RBM20: variants seen among roughly 807,000 people sequenced by gnomAD.
The protein encoded by RBM20 is RNA binding motif protein 20, also known as RNA-binding protein 20.
RBM20 carries 51 observed loss-of-function variants against 110.1 expected under a neutral mutation model. That is an observed-to-expected ratio of 0.46 (90% CI 0.37 to 0.59). RBM20 has a LOEUF of 0.59. Ranked by LOEUF, RBM20 falls within the 20% of genes least tolerant of loss-of-function variation. The pLI is 0.00. For synonymous variants in RBM20, 589 were observed against 618.2 expected (o/e 0.95, Z 0.70); for missense variants, 1,512 against 1,574.9 (o/e 0.96, Z 0.68).
chr10:110,775,635 C>T (rs1288672010), intron 1 of RBM20, among the ~76,000 whole-genome samples: 1 of 152,174 alleles, frequency 6.6e-6, no homozygotes, highest in Non-Finnish European at 1.5e-5. Flanking sequence ...ATCCTCTTTT[C>T]TCCCTATGAT....
At chr10:110,713,587 G>A (rs534647955) in intron 1 of RBM20, among the ~76,000 whole-genome samples, 2 of 152,218 alleles carry the variant, frequency 1.3e-5, no homozygotes, top group African/African-American at 4.8e-5. Flanking sequence ...GCATTGCTGA[G>A]GAATTTTTTA....
chr10:110,648,883 G>C (rs1322834033), intron 1 of RBM20, among the ~76,000 whole-genome samples: 2 of 152,142 alleles, frequency 1.3e-5, no homozygotes, highest in African/African-American at 4.8e-5. Context: ...TTGCCAAAGA[G>C]ATCAGTATTA....
At position 110,838,847 on chromosome 10, in the gene RBM20, A is replaced by G. The variant is rs1386558257; in HGVS notation, c.*2869A>G. On this transcript the variant is annotated 3_prime_UTR_variant, in exon 14 of 14. Coordinates refer to ENST00000369519, the MANE Select transcript of RBM20 (RefSeq NM_001134363.3). Reference sequence around the variant, plus strand: ...AGTCTATACTTGTGTGTACATACGTATTTATTTTTATTTATTTTTATACAA... The same window carrying G: ...AGTCTATACTTGTGTGTACATACGTGTTTATTTTTATTTATTTTTATACAA... The G allele has an allele frequency of 6.6e-6, 1 of 152,154 alleles. No individual in the cohort carries two copies. The highest frequency in any genetic ancestry group is 1.5e-5 in the Non-Finnish European group (1 of 68,030). 9.4% of individuals were successfully genotyped at this position (152,154 alleles called of 1,614,324 possible). A position where few individuals can be genotyped will look rare whatever the true frequency, so the allele number is the denominator to read the frequency against.
At chr10:110,690,601 T>G (rs914429686) in intron 1 of RBM20, among the ~76,000 whole-genome samples, 1 of 152,214 alleles carries the variant, frequency 6.6e-6, no homozygotes, top group Non-Finnish European at 1.5e-5. Flanking sequence ...CTCTATGAAT[T>G]TGCCTATTTT....
rs1845044823 is a variant in RBM20, at chr10:110,831,060, G to C, written c.3452-1G>C. The C allele has an allele frequency of 1.9e-6, 3 of 1,550,204 alleles. No homozygotes were observed. The highest frequency in any genetic ancestry group is 8.7e-7 in the Non-Finnish European group (1 of 1,145,940). ...CGTGTCTATCCCCCATCCTTTCCCA[G>C]GGGTGGAGTTCGTGGTTCCCAGGAC... is the stretch of plus-strand genomic sequence containing the variant. On this transcript the variant is annotated splice_acceptor_variant, in intron 12 of 13. Coordinates refer to ENST00000369519, the MANE Select transcript of RBM20 (RefSeq NM_001134363.3). LOFTEE classifies it high-confidence loss of function.
chr10:110,779,932 C>T (rs980133087), intron 1 of RBM20, among the ~76,000 whole-genome samples: 5 of 152,156 alleles, frequency 3.3e-5, no homozygotes, highest in Non-Finnish European at 7.3e-5. Flanking sequence ...ATTGTTAAGC[C>T]TGCCTTTTTC....
chr10:110,659,181 G>A (rs753445921), intron 1 of RBM20, among the ~76,000 whole-genome samples: 6 of 152,202 alleles, frequency 3.9e-5, no homozygotes, highest in Non-Finnish European at 7.3e-5. Context: ...TGACGCCAAA[G>A]CTTGGTTTTC....
At chr10:110,783,991 T>A (rs1844387455) in intron 3 of RBM20, among the ~76,000 whole-genome samples, 1 of 152,256 alleles carries the variant, frequency 6.6e-6, no homozygotes, top group Admixed American at 6.5e-5. Context: ...TGGAATCATA[T>A]GATATGTGGC....
At chr10:110,738,433 G>C (rs1360138106) in intron 1 of RBM20, among the ~76,000 whole-genome samples, 1 of 152,144 alleles carries the variant, frequency 6.6e-6, no homozygotes, top group Non-Finnish European at 1.5e-5. Flanking sequence ...TTTGGCCCTT[G>C]TTCTGGTGGA....
chr10:110,759,386 G>C (rs976256698), intron 1 of RBM20, among the ~76,000 whole-genome samples: 1 of 152,114 alleles, frequency 6.6e-6, no homozygotes, highest in African/African-American at 2.4e-5. Context: ...AAGAGAAATC[G>C]CTGTTTAGAG....
intron 5 of RBM20, among the ~76,000 whole-genome samples, chr10:110,797,285 C>A (rs997320739): frequency 6.6e-6 from 1 of 151,584 alleles, no homozygotes; most frequent in African/African-American, 2.4e-5. Context: ...GGAGTGAGAC[C>A]CGGTCTCAAA....
intron 1 of RBM20, among the ~76,000 whole-genome samples, chr10:110,741,443 C>T (rs1470650271): frequency 6.6e-6 from 1 of 152,150 alleles, no homozygotes; most frequent in Non-Finnish European, 1.5e-5. Flanking sequence ...CGAAGTTGAA[C>T]TCATGCAAAC....
intron 1 of RBM20, among the ~76,000 whole-genome samples, chr10:110,758,065 C>A (rs934829057): frequency 2.7e-4 from 34 of 127,486 alleles, no homozygotes; most frequent in African/African-American, 8.3e-4. Context: ...GTCATCCAGG[C>A]TAGAGTGCAG....
intron 1 of RBM20, among the ~76,000 whole-genome samples, chr10:110,719,676 C>A (rs1843482185): frequency 6.6e-6 from 1 of 151,938 alleles, no homozygotes; most frequent in Non-Finnish European, 1.5e-5. Flanking sequence ...TTGGGAAGAC[C>A]TTTCCCATCC....
intron 13 of RBM20, among the ~76,000 whole-genome samples, chr10:110,832,330 C>A (rs61862944): frequency 0.018 from 2,712 of 152,216 alleles, 31 homozygotes; most frequent in South Asian, 0.047. Flanking sequence ...AAGTCCCAGG[C>A]TAGGCATTAC....
At chr10:110,674,513 C>T (rs1002428305) in intron 1 of RBM20, among the ~76,000 whole-genome samples, 4 of 152,214 alleles carry the variant, frequency 2.6e-5, no homozygotes, top group Non-Finnish European at 4.4e-5. Context: ...CCTGTAGCTG[C>T]ACATTTTTGT....
Position 110,644,496 on chromosome 10 carries a change from C to T in RBM20, c.42C>T (p.Ser14=). Residue 14 remains serine (S), a synonymous_variant, in exon 1 of 14, where the codon AGC becomes AGT. Transcript: ENST00000369519. The surrounding 1 kb of genome is among the most constrained non-coding windows in gnomAD (Gnocchi z 4.3). ...AAAMSQDADP[S]GPEQPDRVAC... ...CCATGAGCCAGGACGCGGACCCCAG[C>T]GGTCCGGAGCAGCCGGACAGAGTTG... 6.6e-7 allele frequency: 1 copy of T among 1,523,224 alleles called. No homozygotes were observed. The highest frequency in any genetic ancestry group is 8.8e-7 in the Non-Finnish European group (1 of 1,139,294). 94.4% of individuals were successfully genotyped at this position (1,523,224 alleles called of 1,614,324 possible).
At chr10:110,690,237 G>C (rs1366040754) in intron 1 of RBM20, among the ~76,000 whole-genome samples, 2 of 151,970 alleles carry the variant, frequency 1.3e-5, no homozygotes, top group African/African-American at 4.8e-5. Flanking sequence ...GAGCCCTCCT[G>C]TCTACTAAAA....
At chr10:110,708,700 C>T (rs1268708615) in intron 1 of RBM20, among the ~76,000 whole-genome samples, 2 of 152,022 alleles carry the variant, frequency 1.3e-5, no homozygotes, top group African/African-American at 2.4e-5. Context: ...TACAACAAGG[C>T]GGAATTATTT....
Sources: gnomAD v4.1 joint callset for allele counts (sites outside exome capture counted in the v4.1 genomes callset) on GRCh38, gnomAD v4.1.1 for gene constraint, Gnocchi (gnomAD v3.1) non-coding constraint, MANE v1.5 for transcripts, NCBI Gene and HGNC (gene_info 2026-07-23, HGNC 2026-07-21) for gene names.